Variants in SLC5A4 observed in about 807,000 individuals in gnomAD.
SLC5A4 encodes the protein probable glucose sensor protein SLC5A4.
In SLC5A4, 55 loss-of-function variants were observed where a neutral mutation model predicts 70.3. The observed-to-expected ratio is 0.78, with a 90% confidence interval of 0.63 to 0.98. The LOEUF (loss-of-function observed/expected upper bound fraction) is 0.98, where lower values mean the gene tolerates loss of function less well. Ranked by LOEUF, SLC5A4 falls within the 50% of genes least tolerant of loss-of-function variation. SLC5A4 has a pLI of 0.00. For missense variants in SLC5A4, 735 were observed against 839.2 expected (o/e 0.88, Z 1.53); for synonymous variants, 268 against 305.7 (o/e 0.88, Z 1.29).
intron 8 of SLC5A4, among the ~76,000 whole-genome samples, chr22:32,233,746 G>A (rs1357915630): frequency 6.6e-6 from 1 of 152,016 alleles, no homozygotes; most frequent in South Asian, 2.1e-4. Flanking sequence ...AGGATTGCTG[G>A]AGTCCAGGAG....
At chr22:32,242,058 A>G (rs1342091321) in intron 5 of SLC5A4, among the ~76,000 whole-genome samples, 6 of 150,870 alleles carry the variant, frequency 4.0e-5, no homozygotes, top group African/African-American at 1.5e-4. Flanking sequence ...AGCTGCCTAG[A>G]AAGTATATGT....
chr22:32,291,266 C>T, the SLC5A4 span, among the ~76,000 whole-genome samples: 1 of 150,342 alleles, frequency 6.7e-6, no homozygotes, highest in Admixed American at 6.6e-5. Context: ...CCCTCCGCCT[C>T]CCGGGTTCAA....
the SLC5A4 span, among the ~76,000 whole-genome samples, chr22:32,337,094 G>A: frequency 6.6e-6 from 1 of 152,152 alleles, no homozygotes; most frequent in African/African-American, 2.4e-5. Flanking sequence ...TCAGTCTTTC[G>A]GCCTCCTCAT....
chr22:32,285,258 T>C, the SLC5A4 span: 17 of 152,204 alleles, frequency 1.1e-4, no homozygotes, highest in Admixed American at 5.2e-4. Flanking sequence ...TATTCTACCA[T>C]GGAATTCCAT....
At chr22:32,292,602 T>A in the SLC5A4 span, among the ~76,000 whole-genome samples, 1 of 151,562 alleles carries the variant, frequency 6.6e-6, no homozygotes, top group Non-Finnish European at 1.5e-5. Context: ...GGTAGAAAAT[T>A]CCTATATATA....
chr22:32,254,803 C>CAA (rs566118302), intron 1 of SLC5A4, among the ~76,000 whole-genome samples: 5 of 113,658 alleles, frequency 4.4e-5, no homozygotes, highest in Admixed American at 1.9e-4. Context: ...GACTCCGTCT[C>CAA]AAAAAAAAAA....
chr22:32,302,886 T>C, the SLC5A4 span, among the ~76,000 whole-genome samples: 2 of 152,260 alleles, frequency 1.3e-5, no homozygotes, highest in Non-Finnish European at 2.9e-5. Context: ...TGGCAGGAAT[T>C]GGAGATAACT....
the SLC5A4 span, among the ~76,000 whole-genome samples, chr22:32,320,103 C>CTT: frequency 1.3e-5 from 2 of 152,296 alleles, no homozygotes; most frequent in Admixed American, 1.3e-4. Context: ...AACAGCAAAT[C>CTT]CAAACTCTAA....
chr22:32,254,909 A>G (rs1927384798), intron 1 of SLC5A4, among the ~76,000 whole-genome samples: 1 of 152,182 alleles, frequency 6.6e-6, no homozygotes, highest in Admixed American at 6.5e-5. Context: ...AACAAAAGAA[A>G]GCGAAAGAAA....
chr22:32,309,365 TTG>T, the SLC5A4 span, among the ~76,000 whole-genome samples: 115 of 152,292 alleles, frequency 7.6e-4, 1 homozygote, highest in Admixed American at 4.4e-3. Context: ...TCTTATCCTC[TTG>T]TGTTTTTTTG....
chr22:32,261,920 G>A, the SLC5A4 span, among the ~76,000 whole-genome samples: 1 of 152,188 alleles, frequency 6.6e-6, no homozygotes, highest in Non-Finnish European at 1.5e-5. Flanking sequence ...GTGAGAACAT[G>A]TGATGTTTGT....
the SLC5A4 span, among the ~76,000 whole-genome samples, chr22:32,329,613 G>GGGA: frequency 1.5e-5 from 2 of 129,126 alleles, no homozygotes; most frequent in African/African-American, 3.0e-5. Flanking sequence ...GTGTGTGTTG[G>GGGA]CTCTGGTGTG....
chr22:32,225,611 T>C, intron 12 of SLC5A4, 44 bp downstream of exon 12: 1 of 1,340,600 alleles, frequency 7.5e-7, no homozygotes, highest in Non-Finnish European at 1.0e-6. Context: ...AAACGATTTT[T>C]TTCTCACTCC....
intron 1 of SLC5A4, among the ~76,000 whole-genome samples, chr22:32,254,673 G>A (rs186213778): frequency 2.0e-5 from 3 of 152,174 alleles, no homozygotes; most frequent in East Asian, 1.9e-4. Context: ...GCGTGGTGGC[G>A]CATGCCTGTA....
At chr22:32,322,346 T>C in the SLC5A4 span, among the ~76,000 whole-genome samples, 1 of 151,982 alleles carries the variant, frequency 6.6e-6, no homozygotes, top group African/African-American at 2.4e-5. Context: ...TCCCAGCACT[T>C]TGGGAGGCTG....
At chr22:32,312,355 A>G in the SLC5A4 span, among the ~76,000 whole-genome samples, 10 of 134,710 alleles carry the variant, frequency 7.4e-5, no homozygotes, top group Non-Finnish European at 1.6e-4. Context: ...CCCAAATCAC[A>G]CGCGCGCGCG....
intron 7 of SLC5A4, 58 bp downstream of exon 7, chr22:32,237,186 C>G (rs1274528669): frequency 8.0e-7 from 1 of 1,243,936 alleles, no homozygotes; most frequent in Non-Finnish European, 1.2e-6. Context: ...ACAGACCGAA[C>G]AGAAACAAGT....
At chr22:32,317,126 C>A in the SLC5A4 span, among the ~76,000 whole-genome samples, 1 of 151,970 alleles carries the variant, frequency 6.6e-6, no homozygotes, top group African/African-American at 2.4e-5. Flanking sequence ...AAACCACAGA[C>A]CAAACCAAAC....
the SLC5A4 span, among the ~76,000 whole-genome samples, chr22:32,293,031 A>T: frequency 6.6e-6 from 1 of 152,122 alleles, no homozygotes; most frequent in Non-Finnish European, 1.5e-5. Context: ...GTTATTCTTT[A>T]TCTTTGCTAA....
Sources: allele counts gnomAD v4.1 joint callset (sites outside exome capture counted in the v4.1 genomes callset), GRCh38; gene constraint gnomAD v4.1.1; transcripts MANE v1.5; gene names NCBI Gene and HGNC (gene_info 2026-07-23, HGNC 2026-07-21).